The following LOC128125817 variants were observed in gnomAD, a reference collection of about 807,000 sequenced individuals.
At chr1:41,619,469 C>T in the LOC128125817 span, among the ~76,000 whole-genome samples, 18 of 152,242 alleles carry the variant, frequency 1.2e-4, no homozygotes, top group African/African-American at 4.1e-4. Context: ...TGTGTAGTGA[C>T]GATATGTTTG....
At chr1:41,590,063 A>G in the LOC128125817 span, among the ~76,000 whole-genome samples, 4 of 152,346 alleles carry the variant, frequency 2.6e-5, no homozygotes, top group African/African-American at 7.2e-5. Flanking sequence ...GTGTGCATGT[A>G]TGCATGTGTG....
At chr1:41,617,295 C>T in the LOC128125817 span, among the ~76,000 whole-genome samples, 1 of 152,164 alleles carries the variant, frequency 6.6e-6, no homozygotes, top group Non-Finnish European at 1.5e-5. Context: ...AAACATGGAT[C>T]AATGTGTGTG....
chr1:41,596,714 T>G, the LOC128125817 span, among the ~76,000 whole-genome samples: 1 of 152,330 alleles, frequency 6.6e-6, no homozygotes, highest in Admixed American at 6.5e-5. Flanking sequence ...GGGCTGAGGC[T>G]AATTGCTTCA....
the LOC128125817 span, among the ~76,000 whole-genome samples, chr1:41,594,428 G>A: frequency 6.6e-6 from 1 of 151,962 alleles, no homozygotes; most frequent in Non-Finnish European, 1.5e-5. Flanking sequence ...TCACCATGGC[G>A]GCCAGACTGG....
At chr1:41,605,188 A>G in the LOC128125817 span, among the ~76,000 whole-genome samples, 3 of 136,948 alleles carry the variant, frequency 2.2e-5, no homozygotes, top group African/African-American at 8.2e-5. Flanking sequence ...GAGGGGAGGG[A>G]AGGGAAGGGA....
chr1:41,619,106 C>T, the LOC128125817 span, among the ~76,000 whole-genome samples: 1 of 152,156 alleles, frequency 6.6e-6, no homozygotes, highest in Non-Finnish European at 1.5e-5. Flanking sequence ...TTGTGCCTGC[C>T]TCTCCCTTCC....
chr1:41,605,226 GAAAGA>G, the LOC128125817 span, among the ~76,000 whole-genome samples: 3 of 151,008 alleles, frequency 2.0e-5, no homozygotes, highest in Admixed American at 6.6e-5. Flanking sequence ...AAGGAAGGAA[GAAAGA>G]AAAGAAATCA....
At chr1:41,611,527 C>G in the LOC128125817 span, among the ~76,000 whole-genome samples, 2 of 152,218 alleles carry the variant, frequency 1.3e-5, no homozygotes, top group African/African-American at 4.8e-5. Context: ...ACAAAGGCAC[C>G]GAAGGTTCCA....
At chr1:41,614,869 T>C in the LOC128125817 span, among the ~76,000 whole-genome samples, 2 of 152,210 alleles carry the variant, frequency 1.3e-5, no homozygotes, top group African/African-American at 2.4e-5. Context: ...AAGCTCTTCT[T>C]GGCACTAAGA....
chr1:41,592,770 T>G, the LOC128125817 span, among the ~76,000 whole-genome samples: 36 of 152,342 alleles, frequency 2.4e-4, no homozygotes, highest in South Asian at 7.2e-3. Context: ...GGCTCACCTA[T>G]AACATTCTAA....
the LOC128125817 span, among the ~76,000 whole-genome samples, chr1:41,621,342 C>T: frequency 6.6e-6 from 1 of 152,180 alleles, no homozygotes; most frequent in African/African-American, 2.4e-5. Context: ...AATTCTGGCT[C>T]ACAGGATAAA....
chr1:41,621,557 C>T, the LOC128125817 span, among the ~76,000 whole-genome samples: 2 of 152,372 alleles, frequency 1.3e-5, no homozygotes, highest in South Asian at 4.1e-4. Flanking sequence ...CTGTGTCCCT[C>T]AGGCTGCAGT....
chr1:41,598,742 C>T, the LOC128125817 span, among the ~76,000 whole-genome samples: 1 of 152,046 alleles, frequency 6.6e-6, no homozygotes, highest in Non-Finnish European at 1.5e-5. Flanking sequence ...CAAAGAGACA[C>T]AAGAAGATCA....
the LOC128125817 span, among the ~76,000 whole-genome samples, chr1:41,620,935 G>A: frequency 4.6e-5 from 7 of 151,992 alleles, no homozygotes; most frequent in Non-Finnish European, 7.4e-5. Context: ...GCGGCACCTC[G>A]AGGACCACCC....
chr1:41,587,207 G>T, the LOC128125817 span, among the ~76,000 whole-genome samples: 1 of 152,146 alleles, frequency 6.6e-6, no homozygotes, highest in Non-Finnish European at 1.5e-5. Context: ...TCTGGTCATT[G>T]AATACAGTGA....
the LOC128125817 span, among the ~76,000 whole-genome samples, chr1:41,604,391 TATA>T: frequency 1.3e-5 from 2 of 152,168 alleles, no homozygotes; most frequent in Non-Finnish European, 2.9e-5. Context: ...ATCTTACAGA[TATA>T]ATAATAAGTA....
the LOC128125817 span, among the ~76,000 whole-genome samples, chr1:41,615,621 A>G: frequency 6.6e-6 from 1 of 152,184 alleles, no homozygotes; most frequent in African/African-American, 2.4e-5. Context: ...AAAGAGTCTA[A>G]CAGGAAAAGA....
At chr1:41,607,328 T>C in the LOC128125817 span, among the ~76,000 whole-genome samples, 1 of 152,232 alleles carries the variant, frequency 6.6e-6, no homozygotes, top group Admixed American at 6.5e-5. Context: ...AACATTGAAA[T>C]GACCAATCTG....
At chr1:41,621,746 C>A in the LOC128125817 span, among the ~76,000 whole-genome samples, 7 of 152,264 alleles carry the variant, frequency 4.6e-5, no homozygotes, top group African/African-American at 1.7e-4. Flanking sequence ...TCAAACTCTC[C>A]GGCTCAGGTG....
Sources: allele counts gnomAD v4.1 joint callset (sites outside exome capture counted in the v4.1 genomes callset), GRCh38; gene constraint gnomAD v4.1.1; transcripts MANE v1.5.